Variants in CDH18 observed in about 807,000 individuals in gnomAD.
CDH18 encodes cadherin 18.
CDH18 carries 31 observed loss-of-function variants against 67.9 expected under a neutral mutation model. That is an observed-to-expected ratio of 0.46 (90% CI 0.34 to 0.62). CDH18 has a LOEUF of 0.62. CDH18 is among the 20% of genes least tolerant of loss of function. The pLI is 0.01. For missense variants in CDH18, 890 were observed against 975.5 expected, an observed-to-expected ratio of 0.91 and a Z score of 1.17; for synonymous variants, 362 against 347.2, an observed-to-expected ratio of 1.04 and a Z score of -0.48.
chr5:20,405,474 C>T (rs2150135344), intron 1 of CDH18, among the ~76,000 whole-genome samples: 1 of 152,158 alleles, frequency 6.6e-6, no homozygotes, highest in Admixed American at 6.5e-5. Context: ...GACCTAAAAC[C>T]ATAAAAACCT....
chr5:19,781,367 AT>A (rs1406966224), intron 3 of CDH18, among the ~76,000 whole-genome samples: 43 of 152,102 alleles, frequency 2.8e-4, no homozygotes, highest in Non-Finnish European at 8.8e-5. Context: ...ACAAAAAAAA[AT>A]GTACCACTAG....
At chr5:20,361,409 T>C (rs1357065932) in intron 1 of CDH18, among the ~76,000 whole-genome samples, 1 of 152,080 alleles carries the variant, frequency 6.6e-6, no homozygotes, top group Admixed American at 6.6e-5. Flanking sequence ...TAAGATATGG[T>C]CCAATTTAAT....
chr5:19,851,979 C>A (rs531438526), intron 2 of CDH18, among the ~76,000 whole-genome samples: 5 of 151,782 alleles, frequency 3.3e-5, no homozygotes, highest in Non-Finnish European at 5.9e-5. Context: ...GTTTTGTGTA[C>A]GTGGATAATT....
intron 2 of CDH18, among the ~76,000 whole-genome samples, chr5:19,889,305 A>AT (rs1030810416): frequency 6.6e-6 from 1 of 151,684 alleles, no homozygotes; most frequent in Non-Finnish European, 1.5e-5. Flanking sequence ...ATGTTAGCCA[A>AT]TTTTTTTTCT....
intron 1 of CDH18, among the ~76,000 whole-genome samples, chr5:20,402,236 C>T (rs28701114): frequency 6.6e-6 from 1 of 152,084 alleles, no homozygotes; most frequent in Non-Finnish European, 1.5e-5. Context: ...ATACCACATT[C>T]TTACTTCCAG....
At chr5:19,549,743 G>A (rs1052663451) in intron 8 of CDH18, among the ~76,000 whole-genome samples, 1 of 105,952 alleles carries the variant, frequency 9.4e-6, no homozygotes, top group Non-Finnish European at 1.8e-5. Flanking sequence ...GAGAAAGAGA[G>A]AAAAGAAAAA....
At chr5:20,412,892 C>A (rs189263942) in intron 1 of CDH18, among the ~76,000 whole-genome samples, 4 of 152,088 alleles carry the variant, frequency 2.6e-5, no homozygotes, top group African/African-American at 4.8e-5. Flanking sequence ...TATACATGTG[C>A]ATGTTGGTTT....
intron 1 of CDH18, among the ~76,000 whole-genome samples, chr5:20,507,495 T>C (rs1754729690): frequency 6.6e-6 from 1 of 152,196 alleles, no homozygotes; most frequent in South Asian, 2.1e-4. Context: ...GTTATGGATA[T>C]AGATTTTCAT....
At chr5:20,553,747 C>T (rs1244079113) in intron 1 of CDH18, among the ~76,000 whole-genome samples, 1 of 152,092 alleles carries the variant, frequency 6.6e-6, no homozygotes, top group African/African-American at 2.4e-5. Flanking sequence ...GAACAACATT[C>T]TTCACCCACA....
chr5:20,502,065 C>T (rs1754367234), intron 1 of CDH18, among the ~76,000 whole-genome samples: 1 of 152,064 alleles, frequency 6.6e-6, no homozygotes, highest in Non-Finnish European at 1.5e-5. Context: ...TGCTCTGACA[C>T]CATTGTTCAG....
chr5:20,501,666 T>C (rs1754335426), intron 1 of CDH18, among the ~76,000 whole-genome samples: 1 of 137,058 alleles, frequency 7.3e-6, no homozygotes, highest in Non-Finnish European at 1.5e-5. Flanking sequence ...TGGTGCAATC[T>C]CAGCTCACTG....
At chr5:20,039,587 G>T (rs1292231614) in intron 2 of CDH18, among the ~76,000 whole-genome samples, 1 of 152,084 alleles carries the variant, frequency 6.6e-6, no homozygotes, top group African/African-American at 2.4e-5. Flanking sequence ...ACAAAAACAA[G>T]AAATGGGGAA....
chr5:20,268,889 T>G (rs1259407897), intron 1 of CDH18, among the ~76,000 whole-genome samples: 1 of 152,132 alleles, frequency 6.6e-6, no homozygotes, highest in Non-Finnish European at 1.5e-5. Flanking sequence ...TTAGTTAAAC[T>G]AAAATGCTTC....
At chr5:20,478,037 AC>A (rs893782071) in intron 1 of CDH18, among the ~76,000 whole-genome samples, 1 of 152,110 alleles carries the variant, frequency 6.6e-6, no homozygotes, top group Non-Finnish European at 1.5e-5. Flanking sequence ...AAGGACTCAG[AC>A]CTAGAAGGAT....
At chr5:19,998,746 C>T (rs539842183) in intron 2 of CDH18, among the ~76,000 whole-genome samples, 4 of 151,742 alleles carry the variant, frequency 2.6e-5, no homozygotes, top group Admixed American at 1.3e-4. Context: ...ACAAAAAATA[C>T]GAGTTTAGGG....
intron 3 of CDH18, among the ~76,000 whole-genome samples, chr5:19,752,944 C>A (rs1771049485): frequency 1.3e-5 from 2 of 152,146 alleles, no homozygotes; most frequent in South Asian, 4.1e-4. Flanking sequence ...ATCACTATAC[C>A]TTGGCTCTCA....
At chr5:19,499,571 A>AT (rs531311952) in intron 11 of CDH18, among the ~76,000 whole-genome samples, 22 of 151,980 alleles carry the variant, frequency 1.4e-4, no homozygotes, top group African/African-American at 5.3e-4. Context: ...TTTTTTATAC[A>AT]TATTTCTTTT....
chr5:19,543,083 T>C (rs541122314), intron 9 of CDH18, among the ~76,000 whole-genome samples: 1 of 152,276 alleles, frequency 6.6e-6, no homozygotes, highest in African/African-American at 2.4e-5. Context: ...TTCCTAAATG[T>C]ATGTATAACC....
At chr5:20,028,416 A>G (rs114072303) in intron 2 of CDH18, among the ~76,000 whole-genome samples, 1,746 of 152,310 alleles carry the variant, frequency 0.011, 40 homozygotes, top group African/African-American at 0.04. Context: ...TATGTAACTT[A>G]GAAGGCAGTT....
Sources: allele counts gnomAD v4.1 joint callset (sites outside exome capture counted in the v4.1 genomes callset), GRCh38; gene constraint gnomAD v4.1.1; transcripts MANE v1.5; gene names NCBI Gene and HGNC (gene_info 2026-07-23, HGNC 2026-07-21).